Variants in ELAPOR2 observed in about 807,000 individuals in gnomAD.
ELAPOR2 encodes endosome/lysosome-associated apoptosis and autophagy regulator family member 2.
In ELAPOR2, 89 loss-of-function variants were observed where a neutral mutation model predicts 120.7. That is an observed-to-expected ratio of 0.74 (90% confidence interval 0.62 to 0.88). The LOEUF (loss-of-function observed/expected upper bound fraction) is 0.88. ELAPOR2 is among the 40% of genes least tolerant of loss of function. ELAPOR2 has a pLI of 0.00. For synonymous variants in ELAPOR2, 444 were observed against 444.9 expected (o/e 1.00, Z 0.03); for missense variants, 1,134 against 1,251.6 (o/e 0.91, Z 1.42).
chr7:86,883,719 T>C (rs971482613), intron 21 of ELAPOR2, among the ~76,000 whole-genome samples: 1 of 152,198 alleles, frequency 6.6e-6, no homozygotes, highest in African/African-American at 2.4e-5. Context: ...AAAAGATCAT[T>C]ACAGTAGTTT....
At chr7:86,900,676 T>C (rs1310152596) in intron 18 of ELAPOR2, among the ~76,000 whole-genome samples, 2 of 152,206 alleles carry the variant, frequency 1.3e-5, no homozygotes, top group East Asian at 1.9e-4. Context: ...GAGTCAATTA[T>C]TTGATTCCTT....
chr7:87,012,998 C>T (rs1301885289), intron 1 of ELAPOR2, among the ~76,000 whole-genome samples: 1 of 152,172 alleles, frequency 6.6e-6, no homozygotes, highest in Non-Finnish European at 1.5e-5. Flanking sequence ...ATTGCAGTAA[C>T]AAGCCATCAA....
At position 87,039,938 on chromosome 7, in the gene ELAPOR2, T is replaced by C. The variant is rs568188212; in HGVS notation, c.189+19387A>G. Among the ~76,000 whole-genome samples, 6 of 152,070 alleles carry C rather than the reference T, an allele frequency of 3.9e-5. No individual in the cohort carries two copies. The South Asian group carries it at 1.2e-3, about 32-fold the overall frequency. The stretch of plus-strand genomic sequence containing the variant: ...GCACCGTGCACGAGCCAAAGCAGGG[T>C]GAGGCATTGCCTCACTCGGGAAGCG... On this transcript the variant is annotated intron_variant, in intron 1 of 21. Transcript: ENST00000450689.
chr7:87,012,612 A>G (rs1271672782), intron 1 of ELAPOR2, among the ~76,000 whole-genome samples: 1 of 152,176 alleles, frequency 6.6e-6, no homozygotes, highest in Non-Finnish European at 1.5e-5. Flanking sequence ...TTCTGTTCAC[A>G]TACTTTTTAG....
chr7:87,007,752 A>T (rs1256943282), intron 1 of ELAPOR2, among the ~76,000 whole-genome samples: 1 of 152,228 alleles, frequency 6.6e-6, no homozygotes. Context: ...TGAAACAGGT[A>T]AAGTAACATG....
intron 18 of ELAPOR2, among the ~76,000 whole-genome samples, chr7:86,899,113 C>T (rs191855480): frequency 7.2e-5 from 11 of 152,234 alleles, no homozygotes; most frequent in African/African-American, 2.6e-4. Flanking sequence ...AAGAACTAAC[C>T]ACTAGGGAGG....
chr7:86,910,111 G>T, intron 15 of ELAPOR2, 110 bp from the exon 16 acceptor site: 3 of 792,314 alleles, frequency 3.8e-6, no homozygotes, highest in Non-Finnish European at 5.9e-6. Flanking sequence ...TCACTGCAAG[G>T]ATTCTGATTT....
Position 86,928,913 on chromosome 7 carries a change from C to T in ELAPOR2, c.1090-1997G>A, listed in dbSNP as rs372102983. 2.0e-5 allele frequency among the ~76,000 whole-genome samples: 3 copies of T among 151,992 alleles called. No homozygotes were observed. In the East Asian group the frequency reaches 5.8e-4, roughly 30 times the overall value. On this transcript the variant is annotated intron_variant, in intron 8 of 21. Coordinates refer to ENST00000450689, the MANE Select transcript of ELAPOR2 (RefSeq NM_001142749.3). ...TCTTTCTAATGGAGACAGATGCTTT[C>T]AAGTCTGGCTGACTAGGTAAAGATA...
At chr7:86,889,594 G>C (rs539734509) in intron 21 of ELAPOR2, among the ~76,000 whole-genome samples, 1 of 151,918 alleles carries the variant, frequency 6.6e-6, no homozygotes, top group Non-Finnish European at 1.5e-5. Context: ...CAGTACAGTA[G>C]GAGATTTCGT....
chr7:86,903,470 A>G (rs971483094), intron 18 of ELAPOR2, among the ~76,000 whole-genome samples: 3 of 152,232 alleles, frequency 2.0e-5, no homozygotes, highest in Non-Finnish European at 4.4e-5. Context: ...AAACAAGGGA[A>G]GTCATTTTAC....
intron 1 of ELAPOR2, among the ~76,000 whole-genome samples, chr7:87,043,423 G>A (rs1794847496): frequency 6.6e-6 from 1 of 151,422 alleles, no homozygotes; most frequent in African/African-American, 2.4e-5. Flanking sequence ...ATGATCAAGT[G>A]GGCTTCATTC....
At chr7:86,926,953 A>G in intron 8 of ELAPOR2, 37 bp from the exon 9 acceptor site, 1 of 1,441,100 alleles carries the variant, frequency 6.9e-7, no homozygotes, top group South Asian at 1.6e-5. Context: ...CAACCAAGTC[A>G]TATAACATGC....
At chr7:86,904,351 T>A (rs1463544122) in intron 18 of ELAPOR2, among the ~76,000 whole-genome samples, 2 of 152,202 alleles carry the variant, frequency 1.3e-5, no homozygotes, top group Non-Finnish European at 2.9e-5. Context: ...CCTGAGATAA[T>A]GATTAGAGGT....
intron 18 of ELAPOR2, among the ~76,000 whole-genome samples, chr7:86,899,536 T>C (rs1788619068): frequency 3.9e-5 from 6 of 152,132 alleles, no homozygotes; most frequent in Admixed American, 3.9e-4. Flanking sequence ...CAGTGATACA[T>C]GGTTCAAAAC....
At chr7:86,895,413 C>A (rs544542832) in intron 19 of ELAPOR2, among the ~76,000 whole-genome samples, 5 of 152,156 alleles carry the variant, frequency 3.3e-5, no homozygotes, top group Admixed American at 1.3e-4. Context: ...GAAGCTCAAG[C>A]TCCTTGGACA....
chr7:86,895,305 A>T (rs1562902928), intron 19 of ELAPOR2, among the ~76,000 whole-genome samples: 1 of 152,106 alleles, frequency 6.6e-6, no homozygotes, highest in African/African-American at 2.4e-5. Context: ...CGAGGTGGCT[A>T]TTCCCACTTA....
At chr7:87,008,727 A>G (rs1257244506) in intron 1 of ELAPOR2, among the ~76,000 whole-genome samples, 1 of 152,182 alleles carries the variant, frequency 6.6e-6, no homozygotes, top group African/African-American at 2.4e-5. Flanking sequence ...TTAGTGATGA[A>G]GGGCCATAAT....
chr7:86,882,127 T>A (rs1799440428), intron 21 of ELAPOR2, among the ~76,000 whole-genome samples: 1 of 152,224 alleles, frequency 6.6e-6, no homozygotes, highest in Non-Finnish European at 1.5e-5. Context: ...ACTGGCTCTG[T>A]GAGAACTGGC....
chr7:86,908,375 A>G, intron 17 of ELAPOR2, 72 bp downstream of exon 17: 1 of 752,148 alleles, frequency 1.3e-6, no homozygotes, highest in Non-Finnish European at 2.3e-6. Flanking sequence ...TAAATATATG[A>G]GTATTGGTGT....
Sources: gnomAD v4.1 joint callset for allele counts (sites outside exome capture counted in the v4.1 genomes callset) on GRCh38, gnomAD v4.1.1 for gene constraint, MANE v1.5 for transcripts, NCBI Gene and HGNC (gene_info 2026-07-23, HGNC 2026-07-21) for gene names.